Variants in STARD9 observed in about 807,000 individuals in gnomAD.
The protein encoded by STARD9 is stAR-related lipid transfer protein 9.
STARD9 carries 346 observed loss-of-function variants against 399.8 expected under a neutral mutation model. That is an observed-to-expected ratio of 0.87 (90% confidence interval 0.79 to 0.95). The LOEUF (loss-of-function observed/expected upper bound fraction) is 0.95. Among genes scored for constraint, STARD9 ranks in the 40% least tolerant of loss-of-function variants. STARD9 has a pLI of 0.00. For synonymous variants in STARD9, 2,203 were observed against 2,143.5 expected, an observed-to-expected ratio of 1.03 and a Z score of -0.77; for missense variants, 5,832 against 5,667.5, an observed-to-expected ratio of 1.03 and a Z score of -0.93.
At chr15:42,643,904 TAGAAG>T (rs1003211729) in intron 7 of STARD9, among the ~76,000 whole-genome samples, 11 of 152,238 alleles carry the variant, frequency 7.2e-5, no homozygotes, top group African/African-American at 2.2e-4. Context: ...CTCATGGATT[TAGAAG>T]TGTGTTTCTT....
chr15:42,589,636 C>T (rs541216677), intron 3 of STARD9, among the ~76,000 whole-genome samples: 12 of 147,260 alleles, frequency 8.1e-5, no homozygotes, highest in Admixed American at 2.7e-4. Context: ...AATGGAGTTT[C>T]GCTCTTGTTG....
At chr15:42,697,271 A>G (rs538101798) in intron 26 of STARD9, among the ~76,000 whole-genome samples, 4 of 152,188 alleles carry the variant, frequency 2.6e-5, no homozygotes, top group African/African-American at 9.6e-5. Context: ...ACTTCTTTTA[A>G]TTAGTTATTT....
intron 3 of STARD9, among the ~76,000 whole-genome samples, chr15:42,626,484 TC>T (rs2141879083): frequency 6.6e-6 from 1 of 150,840 alleles, no homozygotes; most frequent in Admixed American, 6.6e-5. Context: ...TTCATCCTCT[TC>T]CTCTTCCTCT....
Position 42,693,780 on chromosome 15 carries a change from G to A in STARD9, c.12202G>A (p.Glu4068Lys). The change falls in exon 23 of 33, where the codon GAA (glutamate) becomes AAA (lysine). Residue 4068 changes from glutamate to lysine, a missense_variant. Transcript: ENST00000290607. ...AGGTGAGAGTTCAGCATCTCCAGGG[G>A]AACCACAACGCACTCTGGACCGACC... is the stretch of plus-strand genomic sequence containing the variant. ...NGGESSASPGEPQRTLDRPSS... is the reference protein window; with the variant it reads ...NGGESSASPGKPQRTLDRPSS... 1 of 1,536,306 alleles carries A rather than the reference G, an allele frequency of 6.5e-7. No individual in the cohort carries two copies. The highest frequency in any genetic ancestry group is 1.4e-5 in the African/African-American group (1 of 73,168).
intron 2 of STARD9, among the ~76,000 whole-genome samples, chr15:42,584,068 G>A (rs2058226012): frequency 6.6e-6 from 1 of 151,956 alleles, no homozygotes; most frequent in Non-Finnish European, 1.5e-5. Context: ...AACAGAAGAC[G>A]GAGGGGTTTC....
chr15:42,695,696 AGT>A (rs1267404737), intron 25 of STARD9, 45 bp from the exon 26 acceptor site: 2 of 1,517,714 alleles, frequency 1.3e-6, no homozygotes, highest in East Asian at 4.9e-5. Context: ...GCCTGGGGAA[AGT>A]GAGGGTGCAT....
At chr15:42,641,322 ACTTT>A (rs2059531872) in intron 7 of STARD9, among the ~76,000 whole-genome samples, 1 of 152,280 alleles carries the variant, frequency 6.6e-6, no homozygotes, top group East Asian at 1.9e-4. Flanking sequence ...GCCATTCTGG[ACTTT>A]CTTAAACCAT....
chr15:42,665,301 C>CT lies in STARD9; in HGVS notation c.1226dup (p.Lys410GlufsTer8). 6.5e-7 allele frequency: 1 copy of CT among 1,537,130 alleles called. No homozygotes were observed. The highest frequency in any genetic ancestry group is 8.7e-7 in the Non-Finnish European group (1 of 1,146,810). On this transcript the variant is annotated frameshift_variant, in exon 14 of 33. Coordinates refer to ENST00000290607, the MANE Select transcript of STARD9 (RefSeq NM_020759.3). LOFTEE classifies it high-confidence loss of function. ...AGAACTCAGAGAAGAGATTGAAAGA[C>CT]TGAAAGCCCTGCTGCTGAGCTTTGA...
chr15:42,581,577 C>A (rs565032922), intron 1 of STARD9: 1 of 877,240 alleles, frequency 1.1e-6, no homozygotes, highest in Non-Finnish European at 1.8e-6. Context: ...GGTGGAAAAG[C>A]GAGCTCTGCG....
chr15:42,678,767 A>G (rs1166764586), intron 20 of STARD9, among the ~76,000 whole-genome samples: 4 of 152,210 alleles, frequency 2.6e-5, no homozygotes, highest in Admixed American at 2.6e-4. Context: ...CCTGATAAAG[A>G]CAGAGGTCCC....
rs2060571725 is a variant in STARD9 at position 42,686,873 on chromosome 15, T to C, written c.5295T>C (p.Ala1765=). The C allele has an allele frequency of 1.3e-6, 2 of 1,537,048 alleles. No homozygotes were observed. Among genetic ancestry groups the C allele is most frequent in the Non-Finnish European group, 1.7e-6 (2 of 1,146,892 alleles). Residue 1765 remains alanine, a synonymous_variant, in exon 23 of 33, where the codon GCT becomes GCC. Coordinates refer to ENST00000290607, the MANE Select transcript of STARD9 (RefSeq NM_020759.3). ...CAGAAACTGCCTTAGAGATTCCAGC[T>C]TGCAGAGAAGTAAGGGTACCCTCCC... ...ALTETALEIP[A]CREVRVPSPP...
Position 42,691,181 on chromosome 15 carries a change from C to G in STARD9, c.9603C>G (p.Cys3201Trp). 2.0e-6 allele frequency: 3 copies of G among 1,537,276 alleles called. No individual in the cohort carries two copies. Among genetic ancestry groups the G allele is most frequent in the Non-Finnish European group, 2.6e-6 (3 of 1,146,910 alleles). The change falls in exon 23 of 33, where the codon TGC (cysteine) becomes TGG (tryptophan). Residue 3201 changes from cysteine to tryptophan, a missense_variant. Cys to Trp is a radical substitution (Grantham distance 215, BLOSUM62 -2). Around this residue, in one of 2 missense-constraint regions of STARD9, gnomAD observed 5,828 missense variants for 5,651.1 expected, o/e 1.03. Transcript: ENST00000290607. ...AKFVARLKHTCSPQEDSPWQE... is the reference protein window; with the variant it reads ...AKFVARLKHTWSPQEDSPWQE... ...TTGTAGCAAGGTTAAAACATACCTG[C>G]AGCCCCCAGGAAGACAGTCCCTGGC...
In STARD9 at chr15:42,718,149, C is replaced by T. The variant is rs1264805980; in HGVS notation, c.13732C>T (p.His4578Tyr). 6.5e-7 allele frequency: 1 copy of T among 1,536,954 alleles called. No homozygotes were observed. Among genetic ancestry groups the T allele is most frequent in the East Asian group, 2.4e-5 (1 of 40,912 alleles). ...CAAGCCCATCCAGACAGCAAGGCTG[C>T]ATCAGCGAGTGACCAACAGCATCAG... ...YYKPIQTARLHQRVTNSISLV... is the reference protein window; with the variant it reads ...YYKPIQTARLYQRVTNSISLV... The change falls in exon 30 of 33, where the codon CAT becomes TAT. Residue 4578 changes from histidine to tyrosine, a missense_variant. This residue lies in a region of STARD9 where 5,828 missense variants were observed against 5,651.1 expected (regional missense o/e 1.03). Coordinates refer to ENST00000290607, the MANE Select transcript of STARD9 (RefSeq NM_020759.3).
At chr15:42,705,011 G>A (rs1434259535) in intron 26 of STARD9, among the ~76,000 whole-genome samples, 8 of 152,198 alleles carry the variant, frequency 5.3e-5, no homozygotes, top group Non-Finnish European at 1.2e-4. Flanking sequence ...ATCCTGATGG[G>A]GTGGGGAATT....
chr15:42,644,561 G>A (rs2059610389), intron 7 of STARD9, among the ~76,000 whole-genome samples: 1 of 152,240 alleles, frequency 6.6e-6, no homozygotes, highest in South Asian at 2.1e-4. Flanking sequence ...GTGGTTACCT[G>A]AGCCTTCAGT....
chr15:42,682,232 G>A lies in STARD9; in HGVS notation c.2194G>A (p.Glu732Lys). 2 of 1,537,256 alleles carry A rather than the reference G, an allele frequency of 1.3e-6. No individual in the cohort carries two copies. Among genetic ancestry groups the A allele is most frequent in the South Asian group, 1.2e-5 (1 of 84,058 alleles). The change falls in exon 22 of 33, where the codon GAG (glutamate) becomes AAG (lysine). Residue 732 changes from glutamate (E) to lysine (K), a missense_variant. Glu to Lys is a moderately conservative substitution (Grantham distance 56). Coordinates refer to ENST00000290607, the MANE Select transcript of STARD9 (RefSeq NM_020759.3). ...ALDAWLQTDP[E>K]IQPSPFVQSQ... The stretch of plus-strand genomic sequence containing the variant: ...TGATGCTTGGCTTCAGACAGATCCT[G>A]AGATTCAGCCATCCCCATTTGTCCA...
chr15:42,618,237 AT>A (rs1300708113), intron 3 of STARD9, among the ~76,000 whole-genome samples: 1 of 151,600 alleles, frequency 6.6e-6, no homozygotes, highest in Non-Finnish European at 1.5e-5. Context: ...AGCTCAATTG[AT>A]CCTCTTGCCT....
At chr15:42,591,700 T>C (rs1003732442) in intron 3 of STARD9, among the ~76,000 whole-genome samples, 11 of 152,216 alleles carry the variant, frequency 7.2e-5, no homozygotes, top group African/African-American at 2.7e-4. Context: ...AAAGTTAAAA[T>C]TCCTTAGTGC....
chr15:42,654,530 C>T (rs1169568719), intron 9 of STARD9, among the ~76,000 whole-genome samples: 2 of 152,080 alleles, frequency 1.3e-5, no homozygotes, highest in Non-Finnish European at 2.9e-5. Flanking sequence ...ACCTAGAAAA[C>T]CCTAAAGACT....
Sources: allele counts gnomAD v4.1 joint callset (sites outside exome capture counted in the v4.1 genomes callset), GRCh38; gene constraint gnomAD v4.1.1; regional missense constraint gnomAD v4.1.1; transcripts MANE v1.5; gene names NCBI Gene and HGNC (gene_info 2026-07-23, HGNC 2026-07-21).